The following EPS15L1 variants were observed in gnomAD, a reference collection of about 807,000 sequenced individuals.
EPS15L1 encodes the protein epidermal growth factor receptor substrate 15-like 1.
A neutral mutation model predicts 117.1 loss-of-function variants in EPS15L1; 43 were observed. The ratio of observed to expected loss-of-function variants is 0.37; its 90% CI spans 0.29 to 0.47. The LOEUF is 0.47. EPS15L1 is among the 20% of genes least tolerant of loss of function. EPS15L1 has a pLI of 0.99. For synonymous variants in EPS15L1, 459 were observed against 470.5 expected (o/e 0.98, Z 0.32); for missense variants, 981 against 1,164.0 (o/e 0.84, Z 2.29).
At chr19:16,410,011 G>A (rs1460479606) in intron 13 of EPS15L1, among the ~76,000 whole-genome samples, 1 of 147,890 alleles carries the variant, frequency 6.8e-6, no homozygotes, top group Non-Finnish European at 1.5e-5. Context: ...GCACATGCCT[G>A]TAATCCCAGC....
At chr19:16,463,974 CA>C (rs1357162414) in intron 1 of EPS15L1, among the ~76,000 whole-genome samples, 1 of 152,216 alleles carries the variant, frequency 6.6e-6, no homozygotes, top group Non-Finnish European at 1.5e-5. Context: ...AAAGAGGGGC[CA>C]GGGGGCCACA....
At chr19:16,420,655 C>A (rs552843250) in intron 10 of EPS15L1, among the ~76,000 whole-genome samples, 1 of 152,378 alleles carries the variant, frequency 6.6e-6, no homozygotes, top group African/African-American at 2.4e-5. Flanking sequence ...TCCAGCAATT[C>A]TTTCCTTTTG....
intron 23 of EPS15L1, chr19:16,356,620 A>G (rs538779667): frequency 3.9e-5 from 6 of 152,218 alleles, no homozygotes; most frequent in African/African-American, 1.2e-4. Context: ...CTGAGGGTCA[A>G]TTTCTCCCAG....
chr19:16,421,437 G>T lies in EPS15L1; in HGVS notation c.832C>A (p.Arg278=). The T allele has an allele frequency of 6.2e-7, 1 of 1,613,754 alleles. No homozygotes were observed. The highest frequency in any genetic ancestry group is 8.5e-7 in the Non-Finnish European group (1 of 1,179,666). ...GTCTTCAGGAATATCTCATCAAATC[G>T]CATCTTGTCTGCCACGGGCACCACC... ...NWVVPVADKM[R]FDEIFLKTDL... The change falls in exon 10 of 24, where the codon CGA becomes AGA. Residue 278 remains arginine, a synonymous_variant. Coordinates refer to ENST00000455140, the MANE Select transcript of EPS15L1 (RefSeq NM_001258374.3).
chr19:16,420,200 A>G (rs963183817), intron 10 of EPS15L1, among the ~76,000 whole-genome samples: 4 of 152,210 alleles, frequency 2.6e-5, no homozygotes, highest in Non-Finnish European at 1.5e-5. Context: ...TGCTGCCCGC[A>G]TGGAATGACC....
intron 8 of EPS15L1, 107 bp downstream of exon 8, chr19:16,428,595 A>G (rs1432805881): frequency 2.8e-6 from 2 of 718,518 alleles, no homozygotes; most frequent in South Asian, 1.8e-5. Flanking sequence ...AAAGAAAAGA[A>G]AAGAAAAAAG....
chr19:16,464,423 A>G (rs1288048999), intron 1 of EPS15L1, among the ~76,000 whole-genome samples: 2 of 152,060 alleles, frequency 1.3e-5, no homozygotes, highest in Admixed American at 1.3e-4. Context: ...GCCACTGGCC[A>G]CTCTCTCGGC....
intron 1 of EPS15L1, among the ~76,000 whole-genome samples, chr19:16,457,885 G>A (rs74806552): frequency 3.3e-5 from 5 of 151,878 alleles, no homozygotes; most frequent in South Asian, 2.1e-4. Context: ...GGGGAACACC[G>A]AGAGGGGCTC....
intron 15 of EPS15L1, 126 bp downstream of exon 15, chr19:16,403,607 A>G: frequency 1.1e-6 from 1 of 903,724 alleles, no homozygotes; most frequent in Non-Finnish European, 1.7e-6. Context: ...CCAGCACCAC[A>G]GCCTCCCAAA....
At chr19:16,392,897 C>A (rs1042838153) in intron 18 of EPS15L1, among the ~76,000 whole-genome samples, 1 of 151,750 alleles carries the variant, frequency 6.6e-6, no homozygotes, top group Admixed American at 6.6e-5. Flanking sequence ...AAAAAATTAG[C>A]CAGGTGTGGT....
At chr19:16,402,081 G>A (rs1316073872) in intron 16 of EPS15L1, 23 of 1,277,674 alleles carry the variant, frequency 1.8e-5, no homozygotes, top group Non-Finnish European at 2.3e-5. Context: ...TTCAAAACAG[G>A]TTCTGAAAGG....
At chr19:16,428,511 G>A (rs4808507) in intron 8 of EPS15L1, among the ~76,000 whole-genome samples, 191 bp downstream of exon 8, 1 of 95,464 alleles carries the variant, frequency 1.0e-5, no homozygotes, top group East Asian at 3.0e-4. Context: ...GAGAGAGAGA[G>A]AGAAAGAAAG....
chr19:16,391,839 GGGAGCACC>G (rs1170557537), intron 19 of EPS15L1, among the ~76,000 whole-genome samples: 2 of 152,060 alleles, frequency 1.3e-5, no homozygotes, highest in East Asian at 3.9e-4. Flanking sequence ...CTGCCGTGAC[GGGAGCACC>G]TACCAAACGT....
At chr19:16,432,080 C>T (rs1426562328) in intron 7 of EPS15L1, among the ~76,000 whole-genome samples, 1 of 152,144 alleles carries the variant, frequency 6.6e-6, no homozygotes, top group Non-Finnish European at 1.5e-5. Flanking sequence ...ACCAATCCCC[C>T]TAAGTATACC....
chr19:16,445,781 A>T (rs562252712), intron 1 of EPS15L1, among the ~76,000 whole-genome samples: 9 of 152,312 alleles, frequency 5.9e-5, no homozygotes, highest in African/African-American at 2.2e-4. Context: ...AGGCAACAGC[A>T]GAGAGGGGAC....
intron 1 of EPS15L1, among the ~76,000 whole-genome samples, chr19:16,442,620 A>T (rs1234978718): frequency 1.3e-5 from 2 of 152,184 alleles, no homozygotes; most frequent in African/African-American, 4.8e-5. Context: ...TCCACGCATT[A>T]TCATAAATCA....
At chr19:16,443,322 C>T (rs189169685) in intron 1 of EPS15L1, among the ~76,000 whole-genome samples, 9 of 152,256 alleles carry the variant, frequency 5.9e-5, no homozygotes, top group East Asian at 1.9e-4. Flanking sequence ...ACCAGGGGGA[C>T]GTAGACTCCT....
At chr19:16,367,258 G>A (rs900593102) in intron 22 of EPS15L1, among the ~76,000 whole-genome samples, 4 of 151,660 alleles carry the variant, frequency 2.6e-5, no homozygotes, top group African/African-American at 9.7e-5. Flanking sequence ...GACCACAGCA[G>A]ACGGCAGTGA....
intron 9 of EPS15L1, among the ~76,000 whole-genome samples, chr19:16,424,281 T>A (rs1170894622): frequency 9.8e-5 from 15 of 152,292 alleles, no homozygotes; most frequent in Non-Finnish European, 2.9e-5. Flanking sequence ...TTTTCATGAC[T>A]GTGATCCTAC....
Sources: gnomAD v4.1 joint callset for allele counts (sites outside exome capture counted in the v4.1 genomes callset) on GRCh38, gnomAD v4.1.1 for gene constraint, MANE v1.5 for transcripts, NCBI Gene and HGNC (gene_info 2026-07-23, HGNC 2026-07-21) for gene names.